The following SPAG16 variants were observed in gnomAD, a reference collection of about 807,000 sequenced individuals.
SPAG16 encodes sperm-associated antigen 16 protein.
In SPAG16, 86 loss-of-function variants were observed where a neutral mutation model predicts 80.4. The observed-to-expected ratio is 1.07, with a 90% CI of 0.90 to 1.28. SPAG16 has a LOEUF of 1.28. Ranked by LOEUF, SPAG16 falls within the 50% of genes most tolerant of loss-of-function variation. The pLI, the probability that SPAG16 is intolerant of heterozygous loss-of-function variation, is 0.00. For missense variants in SPAG16, 870 were observed against 765.3 expected, an observed-to-expected ratio of 1.14 and a Z score of -1.61; for synonymous variants, 294 against 265.9, an observed-to-expected ratio of 1.11 and a Z score of -1.03.
At chr2:213,577,992 A>C (rs1308588848) in intron 10 of SPAG16, among the ~76,000 whole-genome samples, 1 of 151,852 alleles carries the variant, frequency 6.6e-6, no homozygotes, top group Non-Finnish European at 1.5e-5. Flanking sequence ...AATAACTAAA[A>C]CTCTTAAGGA....
chr2:214,409,633 A>T (rs1702187984), intron 15 of SPAG16, among the ~76,000 whole-genome samples: 1 of 152,190 alleles, frequency 6.6e-6, no homozygotes, highest in Non-Finnish European at 1.5e-5. Context: ...AAATTTGTTG[A>T]GTTCATGAGT....
In SPAG16 at chr2:213,299,947, A is replaced by G. The variant is rs201397768; in HGVS notation, c.279+2590A>G. Among the ~76,000 whole-genome samples, 257 of 152,308 alleles carry G rather than the reference A, an allele frequency of 1.7e-3. 1 individual carries two copies. Among genetic ancestry groups the G allele is most frequent in the African/African-American group, 5.8e-3 (241 of 41,566 alleles). The stretch of plus-strand genomic sequence containing the variant: ...AGGGATATTTGTATGTAAATATATG[A>G]AAAGAAAGGTCTACTTACATTGAAG... On this transcript the variant is annotated intron_variant, in intron 3 of 15. Coordinates refer to ENST00000331683, the MANE Select transcript of SPAG16 (RefSeq NM_024532.5).
chr2:213,287,910 T>A (rs1463685695), intron 1 of SPAG16, among the ~76,000 whole-genome samples: 1 of 152,102 alleles, frequency 6.6e-6, no homozygotes, highest in Non-Finnish European at 1.5e-5. Context: ...TTAAAAAAAA[T>A]TATTATTTTT....
intron 9 of SPAG16, among the ~76,000 whole-genome samples, chr2:213,447,802 A>T (rs141134810): frequency 6.6e-6 from 1 of 152,306 alleles, no homozygotes; most frequent in Non-Finnish European, 1.5e-5. Context: ...ACTTGTGTTA[A>T]CTCCTGTTTT....
intron 10 of SPAG16, among the ~76,000 whole-genome samples, chr2:213,653,702 T>C (rs908344179): frequency 6.6e-6 from 1 of 152,188 alleles, no homozygotes; most frequent in Non-Finnish European, 1.5e-5. Context: ...AGCTTTGAAT[T>C]CTAAAATAGA....
intron 15 of SPAG16, among the ~76,000 whole-genome samples, chr2:214,212,134 T>C (rs1355573101): frequency 2.0e-5 from 3 of 152,198 alleles, no homozygotes; most frequent in Non-Finnish European, 4.4e-5. Context: ...CAATATTTAC[T>C]CTCTGTGGCC....
At chr2:213,709,611 C>G (rs2065897738) in intron 10 of SPAG16, among the ~76,000 whole-genome samples, 1 of 151,278 alleles carries the variant, frequency 6.6e-6, no homozygotes, top group South Asian at 2.1e-4. Context: ...TAAACACTAT[C>G]AAAAGCTATG....
chr2:214,193,427 G>GTGTGTGTC, intron 15 of SPAG16, among the ~76,000 whole-genome samples: 2 of 74,732 alleles, frequency 2.7e-5, no homozygotes, highest in South Asian at 4.4e-4. Flanking sequence ...GTGTGTGTAT[G>GTGTGTGTC]AGAGAGAGAG....
intron 10 of SPAG16, among the ~76,000 whole-genome samples, chr2:213,689,087 G>A (rs564625788): frequency 1.3e-5 from 2 of 152,156 alleles, no homozygotes; most frequent in African/African-American, 2.4e-5. Flanking sequence ...AGCCTCCTGA[G>A]CAGCTGGGAT....
At chr2:213,535,161 A>G (rs1314684473) in intron 10 of SPAG16, among the ~76,000 whole-genome samples, 1 of 152,126 alleles carries the variant, frequency 6.6e-6, no homozygotes, top group Non-Finnish European at 1.5e-5. Context: ...AGAACCCAAC[A>G]ATGTAAAATC....
intron 15 of SPAG16, among the ~76,000 whole-genome samples, chr2:214,259,648 G>A (rs1690989549): frequency 6.6e-6 from 1 of 151,404 alleles, no homozygotes; most frequent in South Asian, 2.1e-4. Context: ...GGTTGGTTTG[G>A]TTGGTGTTTA....
At chr2:214,114,949 G>A (rs1414000472) in intron 14 of SPAG16, among the ~76,000 whole-genome samples, 1 of 152,136 alleles carries the variant, frequency 6.6e-6, no homozygotes, top group Admixed American at 6.5e-5. Flanking sequence ...AACAGAACTC[G>A]CTAATATGTT....
intron 15 of SPAG16, among the ~76,000 whole-genome samples, chr2:214,403,529 C>T (rs1488646246): frequency 2.0e-5 from 3 of 151,970 alleles, no homozygotes; most frequent in Non-Finnish European, 2.9e-5. Context: ...CAGCACATTC[C>T]AATTTGTACT....
rs947497329 is a variant in SPAG16, at chr2:213,403,809, C to T, written c.942+28690C>T. Among the ~76,000 whole-genome samples, 19 of 152,238 alleles carry T rather than the reference C, an allele frequency of 1.2e-4. No homozygotes were observed. In the South Asian group the frequency reaches 1.5e-3, roughly 12 times the overall value. ...ACATGATTGTATATCTAGAAAACCT[C>T]GTCGTCTCAGCCCAAAATCTCCTCA... On this transcript the variant is annotated intron_variant, in intron 9 of 15. Coordinates refer to ENST00000331683, the MANE Select transcript of SPAG16 (RefSeq NM_024532.5).
intron 10 of SPAG16, among the ~76,000 whole-genome samples, chr2:213,718,805 C>T (rs1181892169): frequency 1.3e-5 from 2 of 152,198 alleles, no homozygotes; most frequent in Non-Finnish European, 2.9e-5. Context: ...CAGCCCAAGC[C>T]TCCCCGACGA....
At chr2:214,146,473 A>T (rs6748348) in intron 14 of SPAG16, among the ~76,000 whole-genome samples, 1 of 152,164 alleles carries the variant, frequency 6.6e-6, no homozygotes, top group Non-Finnish European at 1.5e-5. Flanking sequence ...TCACCTGCAA[A>T]ACTGCTTTGG....
At chr2:213,903,289 A>G (rs2077295304) in intron 11 of SPAG16, among the ~76,000 whole-genome samples, 1 of 152,158 alleles carries the variant, frequency 6.6e-6, no homozygotes, top group African/African-American at 2.4e-5. Flanking sequence ...TTCCATGGGC[A>G]TCCCACCCCT....
At chr2:214,029,072 T>C (rs2048279075) in intron 13 of SPAG16, among the ~76,000 whole-genome samples, 1 of 152,012 alleles carries the variant, frequency 6.6e-6, no homozygotes, top group African/African-American at 2.4e-5. Context: ...AGGGAAATAA[T>C]GTAAGAAATC....
chr2:214,328,492 T>C lies in SPAG16; in HGVS notation c.1721-81648T>C, dbSNP rs1696656779. On this transcript the variant is annotated intron_variant, in intron 15 of 15. Transcript: ENST00000331683. The stretch of plus-strand genomic sequence containing the variant: ...TAGCAGTCTTTGAGAAAATTTTGGT[T>C]GAAGGACATTGTGTTGGATCCAAGT... Among the ~76,000 whole-genome samples the C allele has an allele frequency of 2.0e-5, 3 of 152,168 alleles. No homozygotes were observed. In the South Asian group the frequency reaches 6.2e-4, roughly 32 times the overall value.
Sources: gnomAD v4.1 joint callset for allele counts (sites outside exome capture counted in the v4.1 genomes callset) on GRCh38, gnomAD v4.1.1 for gene constraint, MANE v1.5 for transcripts, NCBI Gene and HGNC (gene_info 2026-07-23, HGNC 2026-07-21) for gene names.